The following PRKN variants were observed in gnomAD, a reference collection of about 807,000 sequenced individuals.
The protein encoded by PRKN is parkin RBR E3 ubiquitin protein ligase.
Under a neutral mutation model 59.5 loss-of-function variants are expected in PRKN, and 56 were observed. That is an observed-to-expected ratio of 0.94 (90% CI 0.76 to 1.18). The LOEUF (loss-of-function observed/expected upper bound fraction) is 1.18, where lower values mean the gene tolerates loss of function less well. Among genes scored for constraint, PRKN ranks in the 50% most tolerant of loss-of-function variants. The pLI is 0.00. For missense variants in PRKN, 657 were observed against 596.4 expected, an observed-to-expected ratio of 1.10 and a Z score of -1.06; for synonymous variants, 250 against 222.1, an observed-to-expected ratio of 1.13 and a Z score of -1.12.
chr6:161,990,139 G>A (rs944023582), intron 5 of PRKN, among the ~76,000 whole-genome samples: 16 of 152,118 alleles, frequency 1.1e-4, no homozygotes, highest in African/African-American at 3.4e-4. Context: ...GAGGCCCAAA[G>A]TTTGGCATAC....
intron 6 of PRKN, among the ~76,000 whole-genome samples, chr6:161,832,584 G>A (rs942296575): frequency 3.5e-5 from 5 of 140,926 alleles, no homozygotes; most frequent in Non-Finnish European, 6.0e-5. Context: ...AGATCATGCC[G>A]CTGCACTCCA....
intron 9 of PRKN, among the ~76,000 whole-genome samples, chr6:161,491,381 C>T (rs887345144): frequency 6.6e-6 from 1 of 152,198 alleles, no homozygotes; most frequent in Non-Finnish European, 1.5e-5. Flanking sequence ...GGATGCTCTA[C>T]TGCACCTGGC....
At chr6:161,367,170 A>G (rs1467309348) in intron 10 of PRKN, among the ~76,000 whole-genome samples, 1 of 150,780 alleles carries the variant, frequency 6.6e-6, no homozygotes, top group African/African-American at 2.4e-5. Flanking sequence ...TTTAGTAGAG[A>G]CGGGGTTTCA....
rs182324562 is a variant in PRKN, at chr6:162,072,162, C to A, written c.535-17988G>T. The stretch of plus-strand genomic sequence containing the variant: ...CACAGGCTGGGCGCGGTGGCTCACG[C>A]CTGTAATCCCAGTTGCTTGGGAGGC... On this transcript the variant is annotated intron_variant, in intron 4 of 11. Transcript: ENST00000366898. Among the ~76,000 whole-genome samples the A allele has an allele frequency of 1.6e-3, 249 of 152,168 alleles. 1 individual carries two copies. Among genetic ancestry groups the A allele is most frequent in the African/African-American group, 5.7e-3 (237 of 41,524 alleles).
chr6:162,491,169 C>A (rs1433379836), intron 1 of PRKN, among the ~76,000 whole-genome samples: 1 of 150,268 alleles, frequency 6.7e-6, no homozygotes, highest in Admixed American at 6.6e-5. Flanking sequence ...GCTAGGGAGG[C>A]TGAGGCACAC....
intron 1 of PRKN, among the ~76,000 whole-genome samples, chr6:162,690,862 TG>T (rs1777747324): frequency 6.6e-6 from 1 of 151,324 alleles, no homozygotes; most frequent in South Asian, 2.1e-4. Context: ...GAAAAACCCT[TG>T]GGTTTTTCTT....
chr6:162,505,619 T>A (rs964191135), intron 1 of PRKN, among the ~76,000 whole-genome samples: 3 of 152,112 alleles, frequency 2.0e-5, no homozygotes, highest in African/African-American at 7.2e-5. Flanking sequence ...CAAAAGCAAC[T>A]ATACAATACA....
intron 9 of PRKN, among the ~76,000 whole-genome samples, chr6:161,420,490 A>G (rs1788050813): frequency 6.6e-6 from 1 of 151,908 alleles, no homozygotes; most frequent in Non-Finnish European, 1.5e-5. Context: ...CATGATGAAC[A>G]GTTTCCTTTA....
intron 2 of PRKN, among the ~76,000 whole-genome samples, chr6:162,407,032 T>C (rs151002403): frequency 0.011 from 1,687 of 152,292 alleles, 10 homozygotes; most frequent in Non-Finnish European, 0.017. Context: ...GGACAGTTAC[T>C]AGATCATGTG....
At position 161,545,492 on chromosome 6, in the gene PRKN, G is replaced by T; in HGVS notation, c.1083+3362C>A. 2 of 1,288,126 alleles carry T rather than the reference G, an allele frequency of 1.6e-6. No homozygotes were observed. The highest frequency in any genetic ancestry group is 2.3e-6 in the Non-Finnish European group (2 of 886,874). 79.8% of individuals were successfully genotyped at this position (1,288,126 alleles called of 1,614,324 possible). On this transcript the variant is annotated intron_variant, in intron 9 of 11. Coordinates refer to ENST00000366898, the MANE Select transcript of PRKN (RefSeq NM_004562.3). The surrounding 1 kb of genome is among the most constrained non-coding windows in gnomAD (Gnocchi z 4.1). ...ACCTTCTTCTAACTTTTATGTATTTGGCCATGTTCTACTTCTGAAATGACA... is the reference window on the plus strand; with the variant it reads ...ACCTTCTTCTAACTTTTATGTATTTTGCCATGTTCTACTTCTGAAATGACA...
At chr6:161,739,850 G>A (rs909260427) in intron 7 of PRKN, among the ~76,000 whole-genome samples, 2 of 152,056 alleles carry the variant, frequency 1.3e-5, no homozygotes, top group African/African-American at 4.8e-5. Context: ...CACCTCCCGG[G>A]TTCAAGCGAT....
intron 1 of PRKN, among the ~76,000 whole-genome samples, chr6:162,527,562 T>TG (rs773398159): frequency 2.5e-4 from 38 of 152,226 alleles, no homozygotes; most frequent in Non-Finnish European, 4.4e-4. Flanking sequence ...GGTTTCTAGA[T>TG]GAACAGTTTA....
At chr6:162,467,682 C>T (rs916517490) in intron 1 of PRKN, among the ~76,000 whole-genome samples, 3 of 152,110 alleles carry the variant, frequency 2.0e-5, no homozygotes, top group East Asian at 1.9e-4. Context: ...AAAAAACTCA[C>T]GTCACTTCCT....
chr6:162,145,497 C>A (rs1781984068), intron 4 of PRKN, among the ~76,000 whole-genome samples: 1 of 152,144 alleles, frequency 6.6e-6, no homozygotes, highest in African/African-American at 2.4e-5. Flanking sequence ...GTCTTGCCTG[C>A]AAGTTGTCCA....
At chr6:161,968,560 G>C (rs1306653781) in intron 6 of PRKN, among the ~76,000 whole-genome samples, 1 of 152,080 alleles carries the variant, frequency 6.6e-6, no homozygotes, top group Non-Finnish European at 1.5e-5. Flanking sequence ...TCAGTATAAG[G>C]AGTACGCAGA....
At chr6:161,762,084 A>G (rs1465207068) in intron 7 of PRKN, among the ~76,000 whole-genome samples, 1 of 152,182 alleles carries the variant, frequency 6.6e-6, no homozygotes, top group Admixed American at 6.5e-5. Flanking sequence ...TGAAAAAACA[A>G]CAGGCACACA....
intron 4 of PRKN, among the ~76,000 whole-genome samples, chr6:162,123,366 A>G (rs1780995541): frequency 6.6e-6 from 1 of 152,244 alleles, no homozygotes; most frequent in South Asian, 2.1e-4. Context: ...GGAAAAGGTA[A>G]TAGAAGAGGA....
intron 2 of PRKN, among the ~76,000 whole-genome samples, chr6:162,306,764 A>G (rs1782246939): frequency 6.6e-6 from 1 of 152,172 alleles, no homozygotes; most frequent in South Asian, 2.1e-4. Context: ...CTGAAATGAC[A>G]TGGTTAGGCC....
rs758368939 is a variant in PRKN, at chr6:161,349,729, A to T, written c.*370T>A. The T allele has an allele frequency of 2.1e-5, 8 of 379,570 alleles. No individual in the cohort carries two copies. Among genetic ancestry groups the T allele is most frequent in the Admixed American group, 1.7e-4 (4 of 23,490 alleles). The allele number at this position is 379,570 out of a possible 1,614,324, so 23.5% of individuals were successfully genotyped here. A position where few individuals can be genotyped will look rare whatever the true frequency, so the allele number is the denominator to read the frequency against. ...CAGCTACTGATTCTGCCTGTCTCGA[A>T]TTCAGGTGAGAATGACCCATACAGA... On this transcript the variant is annotated 3_prime_UTR_variant, in exon 12 of 12. Transcript: ENST00000366898. This position sits in a 1 kb window ranked among gnomAD's most constrained non-coding sequence, Gnocchi z 5.5.
Sources: allele counts gnomAD v4.1 joint callset (sites outside exome capture counted in the v4.1 genomes callset), GRCh38; gene constraint gnomAD v4.1.1; non-coding constraint Gnocchi (gnomAD v3.1); transcripts MANE v1.5; gene names NCBI Gene and HGNC (gene_info 2026-07-23, HGNC 2026-07-21).